The following SNAPC3 variants were observed in gnomAD, a reference collection of about 807,000 sequenced individuals.
The protein encoded by SNAPC3 is snRNA-activating protein complex subunit 3.
Under a neutral mutation model 47.7 loss-of-function variants are expected in SNAPC3, and 56 were observed. The ratio of observed to expected loss-of-function variants is 1.18; its 90% CI spans 0.95 to 1.47. SNAPC3 has a LOEUF of 1.47. Ranked by LOEUF, SNAPC3 falls within the 40% of genes most tolerant of loss-of-function variation. The pLI is 0.00. For synonymous variants in SNAPC3, 235 were observed against 189.9 expected (o/e 1.24, Z -1.95); for missense variants, 665 against 511.3 (o/e 1.30, Z -2.90).
chr9:15,440,991 A>G (rs945284310), intron 3 of SNAPC3, among the ~76,000 whole-genome samples: 2 of 150,806 alleles, frequency 1.3e-5, no homozygotes, highest in Non-Finnish European at 1.5e-5. Context: ...CCATCCGTCT[A>G]TCTGCCCATT....
chr9:15,464,390 C>T (rs2035466313), downstream of SNAPC3: 2 of 195,716 alleles, frequency 1.0e-5, no homozygotes, highest in Admixed American at 6.1e-5. Flanking sequence ...GCCAAATGAC[C>T]CTAATATTCA....
intron 4 of SNAPC3, among the ~76,000 whole-genome samples, chr9:15,446,337 G>A (rs1476326238): frequency 6.6e-6 from 1 of 152,138 alleles, no homozygotes; most frequent in Non-Finnish European, 1.5e-5. Flanking sequence ...CTCCCAAGTA[G>A]CTAGGACTAC....
chr9:15,462,001 T>C (rs2035255516), downstream of SNAPC3: 1 of 152,212 alleles, frequency 6.6e-6, no homozygotes, highest in Non-Finnish European at 1.5e-5. Flanking sequence ...TAAAATTCCA[T>C]GGGTAAAAAT....
chr9:15,465,692 C>T (rs1476126141), downstream of SNAPC3: 2 of 843,490 alleles, frequency 2.4e-6, no homozygotes, highest in Admixed American at 2.8e-5. Context: ...CTGAAACCAA[C>T]CAAACAAAAG....
chr9:15,466,572 G>A (rs537028711), downstream of SNAPC3, among the ~76,000 whole-genome samples: 1 of 152,318 alleles, frequency 6.6e-6, no homozygotes, highest in African/African-American at 2.4e-5. Context: ...CAAAGTCACT[G>A]TCAATAAAAG....
At chr9:15,437,159 C>T (rs2032900665) in intron 3 of SNAPC3, among the ~76,000 whole-genome samples, 1 of 151,742 alleles carries the variant, frequency 6.6e-6, no homozygotes, top group South Asian at 2.1e-4. Context: ...ATGTATACAA[C>T]CCTTTCACTT....
chr9:15,444,997 G>A lies in SNAPC3; in HGVS notation c.582+291G>A, dbSNP rs528926013. Among the ~76,000 whole-genome samples, 144 of 152,200 alleles carry A rather than the reference G, an allele frequency of 9.5e-4. 1 individual carries two copies. The highest frequency in any genetic ancestry group is 1.8e-3 in the Non-Finnish European group (120 of 68,022). The stretch of plus-strand genomic sequence containing the variant: ...AATCCCAACTACTTGGGAGGCTGAG[G>A]TGGGGAGATCACTTGAGCCTAGGAA... On this transcript the variant is annotated intron_variant, in intron 4 of 8. Transcript: ENST00000380821.
rs41316011 is a variant in SNAPC3 at position 15,422,962 on chromosome 9, A to G, written c.83A>G (p.Asn28Ser). Reference protein sequence around the residue: ...QDPVSGSGGCNFPEYELPELN... With the variant: ...QDPVSGSGGCSFPEYELPELN... Reference sequence around the variant, plus strand: ...CCAGTCTCCGGCAGTGGCGGCTGCAACTTTCCAGAGTATGAGCTTCCCGAG... The same window carrying G: ...CCAGTCTCCGGCAGTGGCGGCTGCAGCTTTCCAGAGTATGAGCTTCCCGAG... The change falls in exon 1 of 9, where the codon AAC (asparagine) becomes AGC (serine). Residue 28 changes from asparagine (N) to serine (S), a missense_variant. Transcript: ENST00000380821. 717 of 1,538,868 alleles carry G rather than the reference A, an allele frequency of 4.7e-4. 1 individual carries two copies. Among genetic ancestry groups the G allele is most frequent in the Non-Finnish European group, 5.8e-4 (664 of 1,148,006 alleles).
At chr9:15,426,959 G>T (rs957149470) in intron 2 of SNAPC3, among the ~76,000 whole-genome samples, 3 of 152,100 alleles carry the variant, frequency 2.0e-5, no homozygotes, top group Non-Finnish European at 2.9e-5. Context: ...GCCTAAATTT[G>T]TATCTCTATG....
chr9:15,465,524 T>C (rs2035560610), downstream of SNAPC3: 1 of 1,559,142 alleles, frequency 6.4e-7, no homozygotes, highest in Non-Finnish European at 8.8e-7. Flanking sequence ...GTCAACCTAG[T>C]TATCTAGTGT....
At chr9:15,448,332 C>T (rs1022259664) in intron 5 of SNAPC3, among the ~76,000 whole-genome samples, 1 of 152,048 alleles carries the variant, frequency 6.6e-6, no homozygotes, top group Non-Finnish European at 1.5e-5. Context: ...GCCTTTACAC[C>T]TCATTCATCC....
chr9:15,435,321 C>T (rs574714575), intron 3 of SNAPC3, among the ~76,000 whole-genome samples: 57 of 152,172 alleles, frequency 3.7e-4, no homozygotes, highest in South Asian at 1.7e-3. Context: ...GCTTGTAATC[C>T]CAGCACTTTG....
chr9:15,435,212 T>A (rs930492397), intron 3 of SNAPC3, among the ~76,000 whole-genome samples: 1 of 152,214 alleles, frequency 6.6e-6, no homozygotes, highest in Admixed American at 6.5e-5. Flanking sequence ...CTGTATATTT[T>A]CTTTGAAAAA....
At chr9:15,433,241 A>T (rs531422431) in intron 2 of SNAPC3, among the ~76,000 whole-genome samples, 1 of 151,868 alleles carries the variant, frequency 6.6e-6, no homozygotes, top group East Asian at 1.9e-4. Context: ...AACAGATGCC[A>T]TGTGGGATCC....
intron 3 of SNAPC3, among the ~76,000 whole-genome samples, chr9:15,436,595 A>G (rs768732793): frequency 6.6e-6 from 1 of 152,114 alleles, no homozygotes; most frequent in Non-Finnish European, 1.5e-5. Flanking sequence ...AACTTTGTTC[A>G]TGTTTTTCAA....
intron 5 of SNAPC3, among the ~76,000 whole-genome samples, chr9:15,449,900 T>C (rs2034265743): frequency 1.3e-5 from 2 of 152,056 alleles, no homozygotes; most frequent in South Asian, 2.1e-4. Flanking sequence ...ATGGAAAACA[T>C]TTTTGTTCTT....
intron 3 of SNAPC3, among the ~76,000 whole-genome samples, chr9:15,440,671 C>T (rs971811147): frequency 3.3e-5 from 5 of 152,070 alleles, no homozygotes; most frequent in East Asian, 1.9e-4. Flanking sequence ...AAATCAGGGC[C>T]GGGCGCGGTG....
At chr9:15,444,353 C>T (rs532058531) in intron 3 of SNAPC3, among the ~76,000 whole-genome samples, 3 of 152,240 alleles carry the variant, frequency 2.0e-5, no homozygotes, top group Non-Finnish European at 2.9e-5. Context: ...GTACTCAGTA[C>T]CACACATCTT....
At chr9:15,427,100 A>G (rs1477010168) in intron 2 of SNAPC3, among the ~76,000 whole-genome samples, 5 of 152,188 alleles carry the variant, frequency 3.3e-5, no homozygotes, top group African/African-American at 9.7e-5. Context: ...TCTTTCCCAC[A>G]TCAAATGAAA....
Sources: gnomAD v4.1 joint callset for allele counts (sites outside exome capture counted in the v4.1 genomes callset) on GRCh38, gnomAD v4.1.1 for gene constraint, MANE v1.5 for transcripts, NCBI Gene and HGNC (gene_info 2026-07-23, HGNC 2026-07-21) for gene names.